TBC1D12: variants seen among roughly 807,000 people sequenced by gnomAD.
The protein encoded by TBC1D12 is TBC1 domain family member 12, also known as TBC1 domain family, member 12.
TBC1D12 carries 56 observed loss-of-function variants against 86.7 expected under a neutral mutation model. The observed-to-expected ratio is 0.65, with a 90% confidence interval of 0.52 to 0.81. The LOEUF is 0.81. TBC1D12 is among the 30% of genes least tolerant of loss of function. The probability of loss-of-function intolerance (pLI) is 0.00; values close to 1 mark genes in which losing one functional copy is unlikely to be tolerated. For synonymous variants in TBC1D12, 421 were observed against 411.7 expected (o/e 1.02, Z -0.27); for missense variants, 1,023 against 1,038.8 (o/e 0.98, Z 0.21).
rs558665670 is a variant in TBC1D12, at chr10:94,487,684, T to C, written c.1212-5681T>C. 4.0e-5 allele frequency among the ~76,000 whole-genome samples: 6 copies of C among 149,846 alleles called. No homozygotes were observed. The East Asian group carries it at 1.2e-3, about 30-fold the overall frequency. On this transcript the variant is annotated intron_variant, in intron 3 of 12. Transcript: ENST00000225235. ...TTTGTTGTTTCTTTTTTTTAACTTC[T>C]GTTGTTTCTCTTTTTTTTTTTTTTT...
chr10:94,412,463 A>G (rs980284662), intron 1 of TBC1D12, among the ~76,000 whole-genome samples: 1 of 152,250 alleles, frequency 6.6e-6, no homozygotes, highest in African/African-American at 2.4e-5. Context: ...ATTCTGATGT[A>G]GTGATATGAC....
chr10:94,403,180 C>T lies in TBC1D12; in HGVS notation c.567C>T (p.Ser189=), dbSNP rs1007911226. Residue 189 remains serine (S), a synonymous_variant, in exon 1 of 13, where the codon TCC becomes TCT. Transcript: ENST00000225235. ...ACGCGGACGGCGCGGGAAGCCCGTC[C>T]GATTGGGCCTCTCCGCTTGAGGACC... The part of the protein sequence containing the change: ...DEDADGAGSP[S]DWASPLEDPL... The T allele has an allele frequency of 1.4e-6, 2 of 1,470,384 alleles. No individual in the cohort carries two copies. The highest frequency in any genetic ancestry group is 1.5e-5 in the African/African-American group (1 of 67,650). 91.1% of individuals were successfully genotyped at this position (1,470,384 alleles called of 1,614,324 possible).
chr10:94,416,180 A>T (rs1013461843), intron 1 of TBC1D12, among the ~76,000 whole-genome samples: 1 of 152,246 alleles, frequency 6.6e-6, no homozygotes, highest in Non-Finnish European at 1.5e-5. Context: ...AGGTTCTATC[A>T]TGCATATCAT....
chr10:94,507,484 G>C, intron 7 of TBC1D12, 137 bp downstream of exon 7: 2 of 801,150 alleles, frequency 2.5e-6, no homozygotes, highest in Non-Finnish European at 3.8e-6. Flanking sequence ...CTAGAAAAAA[G>C]ACTTGATTTA....
At chr10:94,529,481 G>GGT (rs1200231861) in intron 11 of TBC1D12, among the ~76,000 whole-genome samples, 1 of 152,170 alleles carries the variant, frequency 6.6e-6, no homozygotes, top group African/African-American at 2.4e-5. Flanking sequence ...AGCCGGGCGT[G>GGT]GTGGTCCATA....
intron 2 of TBC1D12, among the ~76,000 whole-genome samples, chr10:94,465,800 A>ATACG (rs1190534727): frequency 5.0e-4 from 76 of 151,336 alleles, no homozygotes; most frequent in African/African-American, 1.8e-3. Context: ...ATACGCATAC[A>ATACG]TACATATACG....
At chr10:94,481,152 G>A (rs966778688) in intron 3 of TBC1D12, among the ~76,000 whole-genome samples, 2 of 151,656 alleles carry the variant, frequency 1.3e-5, no homozygotes, top group African/African-American at 4.9e-5. Flanking sequence ...TTGAGCACAG[G>A]TAGAGTAGAT....
intron 8 of TBC1D12, among the ~76,000 whole-genome samples, chr10:94,510,619 G>C (rs1489402764): frequency 6.6e-6 from 1 of 152,132 alleles, no homozygotes; most frequent in Non-Finnish European, 1.5e-5. Context: ...CTTATGAAAA[G>C]AGAAATGACT....
chr10:94,524,889 C>T (rs1409986328), intron 11 of TBC1D12, among the ~76,000 whole-genome samples: 1 of 151,636 alleles, frequency 6.6e-6, no homozygotes, highest in Non-Finnish European at 1.5e-5. Context: ...TGCAGTGGCG[C>T]AATCACAGCT....
At position 94,497,067 on chromosome 10, in the gene TBC1D12, C is replaced by A. The variant is rs2056329715; in HGVS notation, c.1307C>A (p.Ala436Glu). The change falls in exon 5 of 13, where the codon GCA becomes GAA. Residue 436 changes from alanine (A) to glutamate (E), a missense_variant. Coordinates refer to ENST00000225235, the MANE Select transcript of TBC1D12 (RefSeq NM_015188.2). ...TCGTTTAAAACAGAAATTAAGGAAGCACATAAAAGAAAAAGAATCATGAAA... is the reference window on the plus strand; with the variant it reads ...TCGTTTAAAACAGAAATTAAGGAAGAACATAAAAGAAAAAGAATCATGAAA... Reference protein sequence around the residue: ...AEAKKREIKEAHKRKRIMKER... With the variant: ...AEAKKREIKEEHKRKRIMKER... 2 of 1,557,574 alleles carry A rather than the reference C, an allele frequency of 1.3e-6. No individual in the cohort carries two copies. The highest frequency in any genetic ancestry group is 2.4e-5 in the East Asian group (1 of 41,088).
intron 2 of TBC1D12, among the ~76,000 whole-genome samples, chr10:94,467,534 G>C (rs533773888): frequency 6.6e-6 from 1 of 152,098 alleles, no homozygotes; most frequent in Admixed American, 6.6e-5. Context: ...GCCCGGCCCT[G>C]TACTTTTCCT....
rs2055977440 is a variant in TBC1D12, at chr10:94,475,606, G to T, written c.1211+823G>T. Among the ~76,000 whole-genome samples the T allele has an allele frequency of 2.6e-5, 4 of 151,656 alleles. No individual in the cohort carries two copies. In the South Asian group the frequency reaches 8.3e-4, roughly 32 times the overall value. On this transcript the variant is annotated intron_variant, in intron 3 of 12. Transcript: ENST00000225235. ...CCAACATACCTGGCTAATTTTTTGT[G>T]TGCATTTTTAGTAGAGACAGGGTTT...
chr10:94,531,895 T>C (rs1024708187), intron 12 of TBC1D12, among the ~76,000 whole-genome samples: 1 of 151,232 alleles, frequency 6.6e-6, no homozygotes, highest in Admixed American at 6.6e-5. Flanking sequence ...TGTTATGTTA[T>C]GTTATGTTAT....
At chr10:94,481,819 G>A (rs1293599480) in intron 3 of TBC1D12, among the ~76,000 whole-genome samples, 2 of 150,250 alleles carry the variant, frequency 1.3e-5, no homozygotes, top group African/African-American at 2.4e-5. Context: ...TTTTTATTCT[G>A]TGTGGGTACG....
intron 2 of TBC1D12, among the ~76,000 whole-genome samples, chr10:94,465,789 T>C (rs201704845): frequency 2.6e-4 from 37 of 143,088 alleles, no homozygotes; most frequent in African/African-American, 9.4e-4. Flanking sequence ...CATACATACA[T>C]ATACGCATAC....
intron 1 of TBC1D12, among the ~76,000 whole-genome samples, chr10:94,431,782 C>T (rs979227800): frequency 1.3e-5 from 2 of 152,142 alleles, no homozygotes; most frequent in Admixed American, 6.6e-5. Flanking sequence ...AACTTGGCCT[C>T]CTAACAGGAG....
At chr10:94,496,083 A>G (rs548312990) in intron 4 of TBC1D12, among the ~76,000 whole-genome samples, 66 of 152,204 alleles carry the variant, frequency 4.3e-4, no homozygotes, top group Admixed American at 2.0e-3. Flanking sequence ...AGCCTGGGCA[A>G]CAGAGCGAGA....
chr10:94,435,522 C>A (rs967238422), intron 1 of TBC1D12, among the ~76,000 whole-genome samples: 3 of 152,038 alleles, frequency 2.0e-5, no homozygotes, highest in African/African-American at 2.4e-5. Context: ...TTCTGCAATA[C>A]CTTTTATCTA....
chr10:94,527,654 G>A (rs548023642), intron 11 of TBC1D12, among the ~76,000 whole-genome samples: 37 of 152,148 alleles, frequency 2.4e-4, no homozygotes, highest in African/African-American at 8.9e-4. Context: ...ATGTCCTGAA[G>A]CATTTCCCCT....
Sources: gnomAD v4.1 joint callset for allele counts (sites outside exome capture counted in the v4.1 genomes callset) on GRCh38, gnomAD v4.1.1 for gene constraint, MANE v1.5 for transcripts, NCBI Gene and HGNC (gene_info 2026-07-23, HGNC 2026-07-21) for gene names.